The following MIS18A variants were observed in gnomAD, a reference collection of about 807,000 sequenced individuals.
MIS18A encodes the protein MIS18 kinetochore protein A.
A neutral mutation model predicts 25.0 loss-of-function variants in MIS18A; 14 were observed. The ratio of observed to expected loss-of-function variants is 0.56; its 90% CI spans 0.37 to 0.88. MIS18A has a LOEUF of 0.88. MIS18A is among the 40% of genes least tolerant of loss of function. The probability of loss-of-function intolerance (pLI) is 0.00; values close to 1 mark genes in which losing one functional copy is unlikely to be tolerated. For missense variants in MIS18A, 292 were observed against 290.8 expected (o/e 1.00, Z -0.03); for synonymous variants, 134 against 118.6 (o/e 1.13, Z -0.84).
the MIS18A span, among the ~76,000 whole-genome samples, chr21:32,245,205 C>T: frequency 2.6e-4 from 39 of 152,266 alleles, no homozygotes; most frequent in African/African-American, 8.9e-4. Flanking sequence ...CAGGACCCTA[C>T]AATAAATTAA....
the MIS18A span, among the ~76,000 whole-genome samples, chr21:32,234,918 A>G: frequency 6.6e-6 from 1 of 152,138 alleles, no homozygotes; most frequent in Non-Finnish European, 1.5e-5. Flanking sequence ...TGTAATGCAA[A>G]TCTTATTCTG....
In MIS18A at chr21:32,270,544, T is replaced by C; in HGVS notation, c.402-15A>G. On this transcript the variant is annotated splice_polypyrimidine_tract_variant and intron_variant, in intron 2 of 4. Coordinates refer to ENST00000290130, the MANE Select transcript of MIS18A (RefSeq NM_018944.3). ...TCTCAAGGACGCTGCAATAAAGAAATGTCTTGCTTTAGGAAACGAAGCAGC... is the reference window on the plus strand; with the variant it reads ...TCTCAAGGACGCTGCAATAAAGAAACGTCTTGCTTTAGGAAACGAAGCAGC... The C allele has an allele frequency of 2.0e-6, 3 of 1,521,470 alleles. No individual in the cohort carries two copies. The highest frequency in any genetic ancestry group is 2.6e-5 in the South Asian group (2 of 77,850). The allele number at this position is 1,521,470 out of a possible 1,614,324, so 94.2% of individuals were successfully genotyped here.
the MIS18A span, among the ~76,000 whole-genome samples, chr21:32,232,461 A>T: frequency 6.6e-6 from 1 of 151,416 alleles, no homozygotes; most frequent in Admixed American, 6.6e-5. Context: ...TAGAGTATCC[A>T]TCATTTTTAA....
At chr21:32,218,549 T>C in the MIS18A span, among the ~76,000 whole-genome samples, 1 of 152,198 alleles carries the variant, frequency 6.6e-6, no homozygotes. Flanking sequence ...AGAGCTATAA[T>C]AAAAAGAGTT....
chr21:32,205,935 C>G, the MIS18A span, among the ~76,000 whole-genome samples: 5 of 152,164 alleles, frequency 3.3e-5, no homozygotes, highest in African/African-American at 4.8e-5. Flanking sequence ...GAGACCCCCC[C>G]CATTCCAGTC....
Position 32,268,939 on chromosome 21 carries a change from T to C in MIS18A, c.*98A>G. 6.1e-5 allele frequency: 56 copies of C among 921,844 alleles called. No individual in the cohort carries two copies. The highest frequency in any genetic ancestry group is 2.3e-4 in the Middle Eastern group (1 of 4,264). 57.1% of individuals were successfully genotyped at this position (921,844 alleles called of 1,614,324 possible). A position where few individuals can be genotyped will look rare whatever the true frequency, so the allele number is the denominator to read the frequency against. ...TCGCATGCCTGGCTAATTTTTTTTT[T>C]CTTTTTTTTTTTGTAGAGACGACGT... On this transcript the variant is annotated 3_prime_UTR_variant, in exon 5 of 5. Coordinates refer to ENST00000290130, the MANE Select transcript of MIS18A (RefSeq NM_018944.3).
the MIS18A span, among the ~76,000 whole-genome samples, chr21:32,233,832 C>T: frequency 3.3e-5 from 5 of 152,100 alleles, no homozygotes; most frequent in Non-Finnish European, 5.9e-5. Context: ...AGGAGGAAGA[C>T]GCTGGACTCA....
chr21:32,198,644 G>A, the MIS18A span, among the ~76,000 whole-genome samples: 3 of 152,236 alleles, frequency 2.0e-5, no homozygotes, highest in African/African-American at 4.8e-5. Context: ...GTGAGGGGCT[G>A]TCCCTGAGGA....
chr21:32,254,254 C>T, the MIS18A span, among the ~76,000 whole-genome samples: 4 of 147,762 alleles, frequency 2.7e-5, no homozygotes, highest in African/African-American at 1.0e-4. Context: ...AAGTAAATTG[C>T]TTTGGCCAGG....
the MIS18A span, among the ~76,000 whole-genome samples, chr21:32,230,522 G>A: frequency 6.6e-6 from 1 of 152,140 alleles, no homozygotes; most frequent in Non-Finnish European, 1.5e-5. Context: ...ACTAAATAAG[G>A]GGTAGTTACT....
chr21:32,214,275 G>A, the MIS18A span, among the ~76,000 whole-genome samples: 8 of 152,224 alleles, frequency 5.3e-5, no homozygotes, highest in Non-Finnish European at 1.2e-4. Context: ...TCCTCAGGAG[G>A]TTGATTCAGA....
chr21:32,177,661 T>A, the MIS18A span, among the ~76,000 whole-genome samples: 2 of 152,060 alleles, frequency 1.3e-5, no homozygotes, highest in African/African-American at 2.4e-5. Context: ...AAAATGAAAT[T>A]TTAAAAACAG....
chr21:32,275,084 T>A (rs1396755786), intron 1 of MIS18A, among the ~76,000 whole-genome samples, 188 bp from the exon 2 acceptor site: 3 of 151,880 alleles, frequency 2.0e-5, no homozygotes, highest in Non-Finnish European at 2.9e-5. Context: ...AGAATAAGAG[T>A]TATTTCCAAC....
the MIS18A span, among the ~76,000 whole-genome samples, chr21:32,221,391 G>A: frequency 6.6e-6 from 1 of 152,110 alleles, no homozygotes; most frequent in Non-Finnish European, 1.5e-5. Flanking sequence ...AGCTTCATAA[G>A]TAAAGGAGAA....
At chr21:32,173,837 T>C in the MIS18A span, among the ~76,000 whole-genome samples, 476 of 152,094 alleles carry the variant, frequency 3.1e-3, 6 homozygotes, top group African/African-American at 0.011. Context: ...GATCTAAAAT[T>C]AAATAGTTGT....
chr21:32,209,181 T>G, the MIS18A span, among the ~76,000 whole-genome samples: 1 of 151,664 alleles, frequency 6.6e-6, no homozygotes, highest in Admixed American at 6.6e-5. Context: ...AATCATGGCA[T>G]GTTAAAACTG....
the MIS18A span, among the ~76,000 whole-genome samples, chr21:32,184,636 C>T: frequency 2.0e-5 from 3 of 152,166 alleles, no homozygotes; most frequent in South Asian, 6.2e-4. Context: ...AGTTGCACAA[C>T]CCCCTCCTGT....
chr21:32,256,717 G>C, the MIS18A span, among the ~76,000 whole-genome samples: 6 of 152,060 alleles, frequency 3.9e-5, no homozygotes, highest in Admixed American at 2.0e-4. Flanking sequence ...CTTGTACTCA[G>C]TGACAAAAAT....
the MIS18A span, among the ~76,000 whole-genome samples, chr21:32,210,198 C>T: frequency 1.3e-5 from 2 of 152,228 alleles, no homozygotes; most frequent in South Asian, 4.1e-4. Flanking sequence ...CTTTTCTTGC[C>T]TGTTTCTTCA....
Sources: allele counts gnomAD v4.1 joint callset (sites outside exome capture counted in the v4.1 genomes callset), GRCh38; gene constraint gnomAD v4.1.1; transcripts MANE v1.5; gene names NCBI Gene and HGNC (gene_info 2026-07-23, HGNC 2026-07-21).